DHX36: variants seen among roughly 807,000 people sequenced by gnomAD.
DHX36 encodes the protein ATP-dependent DNA/RNA helicase DHX36.
In DHX36, 50 loss-of-function variants were observed where a neutral mutation model predicts 139.0. The ratio of observed to expected loss-of-function variants is 0.36; its 90% CI spans 0.29 to 0.46. DHX36 has a LOEUF of 0.46. DHX36 is among the 20% of genes least tolerant of loss of function. The probability of loss-of-function intolerance (pLI) is 1.00; values close to 1 mark genes in which losing one functional copy is unlikely to be tolerated. For synonymous variants in DHX36, 425 were observed against 401.9 expected (o/e 1.06, Z -0.69); for missense variants, 1,024 against 1,211.3 (o/e 0.85, Z 2.29).
chr3:154,305,298 C>T (rs1288860310), intron 6 of DHX36, 130 bp from the exon 7 acceptor site: 12 of 720,996 alleles, frequency 1.7e-5, no homozygotes, highest in Non-Finnish European at 2.3e-5. Context: ...TAATTTTTTA[C>T]TTATAAGAAC....
At chr3:154,287,229 C>T (rs988617415) in intron 17 of DHX36, among the ~76,000 whole-genome samples, 2 of 152,212 alleles carry the variant, frequency 1.3e-5, no homozygotes, top group Non-Finnish European at 2.9e-5. Flanking sequence ...AACCCCAACA[C>T]ACATCAACTG....
chr3:154,276,527 C>A, intron 24 of DHX36, 171 bp from the exon 25 acceptor site: 1 of 773,570 alleles, frequency 1.3e-6, no homozygotes. Context: ...AACTAAAGTG[C>A]AGTTAAAATT....
chr3:154,282,889 T>C (rs569534000), intron 20 of DHX36, among the ~76,000 whole-genome samples: 1 of 152,266 alleles, frequency 6.6e-6, no homozygotes, highest in South Asian at 2.1e-4. Flanking sequence ...TTTCAACAGA[T>C]TTTAGTAGTG....
chr3:154,285,067 G>T lies in DHX36; in HGVS notation c.2032-80C>A. 3 of 1,424,128 alleles carry T rather than the reference G, an allele frequency of 2.1e-6. No homozygotes were observed. The Admixed American group carries it at 5.8e-5, about 27-fold the overall frequency. The allele number at this position is 1,424,128 out of a possible 1,614,324, so 88.2% of individuals were successfully genotyped here. On this transcript the variant is annotated intron_variant, in intron 17 of 24. Transcript: ENST00000496811. The stretch of plus-strand genomic sequence containing the variant: ...ACGATTTTAGCTTGCTTTAAAAAGA[G>T]TAACAAGCCACTACTCTCTCTTCTA...
Position 154,309,836 on chromosome 3 carries a change from G to A in DHX36, c.643-13C>T, listed in dbSNP as rs1400363550. 25 of 1,553,812 alleles carry A rather than the reference G, an allele frequency of 1.6e-5. No homozygotes were observed. The Admixed American group carries it at 4.0e-4, about 25-fold the overall frequency. On this transcript the variant is annotated splice_polypyrimidine_tract_variant and intron_variant, in intron 4 of 24. Coordinates refer to ENST00000496811, the MANE Select transcript of DHX36 (RefSeq NM_020865.3). ...AATTTACCAATTCCTATTTCAAAAG[G>A]GAAAATAAAGAATATCACATGTTGA... is the stretch of plus-strand genomic sequence containing the variant.
rs1045277039 is a variant in DHX36 at position 154,276,207 on chromosome 3, G to C, written c.2991C>G (p.Asn997Lys). 6.2e-7 allele frequency: 1 copy of C among 1,612,966 alleles called. No individual in the cohort carries two copies. Among genetic ancestry groups the C allele is most frequent in the African/African-American group, 1.3e-5 (1 of 74,822 alleles). ...ATCCATCCTGGAATCGTGGCGGAAA[G>C]TTCCTGGGAGTTGCCTTTTCCTGTG... ...IKTQEKATPR[N>K]FPPRFQDGYY... The change falls in exon 25 of 25, where the codon AAC becomes AAG. Residue 997 changes from asparagine to lysine, a missense_variant. Physicochemically the swap from Asn to Lys is moderately conservative, Grantham distance 94. Around this residue, in one of 4 missense-constraint regions of DHX36, gnomAD observed 470 missense variants for 616.2 expected, o/e 0.76. Transcript: ENST00000496811.
intron 19 of DHX36, 38 bp downstream of exon 19, chr3:154,284,545 A>G (rs1711502431): frequency 2.0e-6 from 3 of 1,469,618 alleles, no homozygotes; most frequent in East Asian, 4.5e-5. Context: ...TCATTTGAAT[A>G]AACTATCATA....
At chr3:154,297,742 A>C (rs903576069) in intron 12 of DHX36, among the ~76,000 whole-genome samples, 1 of 151,918 alleles carries the variant, frequency 6.6e-6, no homozygotes, top group Non-Finnish European at 1.5e-5. Context: ...GTTTTTTTGT[A>C]TATTTAAAAT....
intron 15 of DHX36, among the ~76,000 whole-genome samples, chr3:154,291,659 T>C (rs534169183): frequency 6.6e-6 from 1 of 152,350 alleles, no homozygotes; most frequent in South Asian, 2.1e-4. Context: ...TTTATGGATA[T>C]TGTACAAACT....
At position 154,303,260 on chromosome 3, in the gene DHX36, A is replaced by G. The variant is rs1383900890; in HGVS notation, c.1217+69T>C. 5.2e-6 allele frequency: 6 copies of G among 1,144,338 alleles called. No individual in the cohort carries two copies. The African/African-American group carries it at 6.4e-5, about 12-fold the overall frequency. The allele number at this position is 1,144,338 out of a possible 1,614,324, so 70.9% of individuals were successfully genotyped here. A position where few individuals can be genotyped will look rare whatever the true frequency, so the allele number is the denominator to read the frequency against. ...TAGTCAATGATGGGTTTCTGAGACTAAAGTTTGACATGAGAAAAGTGATAT... is the reference window on the plus strand; with the variant it reads ...TAGTCAATGATGGGTTTCTGAGACTGAAGTTTGACATGAGAAAAGTGATAT... On this transcript the variant is annotated intron_variant, in intron 9 of 24. Coordinates refer to ENST00000496811, the MANE Select transcript of DHX36 (RefSeq NM_020865.3).
At chr3:154,322,240 A>C (rs1576886788) in intron 1 of DHX36, among the ~76,000 whole-genome samples, 1 of 152,256 alleles carries the variant, frequency 6.6e-6, no homozygotes, top group South Asian at 2.1e-4. Flanking sequence ...CCGTATTACC[A>C]AGATTTCCAG....
intron 17 of DHX36, 53 bp from the exon 18 acceptor site, chr3:154,285,040 A>C: frequency 6.4e-7 from 1 of 1,573,984 alleles, no homozygotes; most frequent in Non-Finnish European, 8.7e-7. Flanking sequence ...ATTACATTTA[A>C]AACGATTTTA....
At chr3:154,285,287 GAAAC>G (rs1202518690) in intron 17 of DHX36, among the ~76,000 whole-genome samples, 1 of 152,040 alleles carries the variant, frequency 6.6e-6, no homozygotes, top group Non-Finnish European at 1.5e-5. Flanking sequence ...AAAAGTTGTA[GAAAC>G]AAACAACAAA....
chr3:154,316,119 T>C lies in DHX36; in HGVS notation c.288A>G (p.Val96=), dbSNP rs768730161. Residue 96 remains valine (V), a synonymous_variant, in exon 2 of 25, where the codon GTA becomes GTG. Transcript: ENST00000496811. The part of the protein sequence containing the change: ...HMDERREEQI[V]QLLNSVQAKN... ...TCGCTTGAACAGAATTCAGTAACTG[T>C]ACAATTTGTTCTTCTCGTCGTTCAT... is the stretch of plus-strand genomic sequence containing the variant. 10 of 1,613,276 alleles carry C rather than the reference T, an allele frequency of 6.2e-6. No homozygotes were observed. In the South Asian group the frequency reaches 6.6e-5, roughly 11 times the overall value.
intron 1 of DHX36, among the ~76,000 whole-genome samples, chr3:154,322,907 T>C (rs981787296): frequency 6.6e-6 from 1 of 152,192 alleles, no homozygotes; most frequent in Non-Finnish European, 1.5e-5. Context: ...AAAAGTTAAT[T>C]TGGGGCTGTA....
Position 154,288,933 on chromosome 3 carries a change from A to G in DHX36, c.1964T>C (p.Leu655Pro). Residue 655 changes from leucine to proline, a missense_variant, in exon 17 of 25, where the codon CTG becomes CCG. Coordinates refer to ENST00000496811, the MANE Select transcript of DHX36 (RefSeq NM_020865.3). ...ILRLGGIAYF[L>P]SRLMDPPSNE... ...TGATGGTGGGTCCATTAATCTACTC[A>G]GAAAATAAGCAATTCCACCTAGCCT... The G allele has an allele frequency of 6.3e-7, 1 of 1,584,126 alleles. No homozygotes were observed. Among genetic ancestry groups the G allele is most frequent in the Non-Finnish European group, 8.6e-7 (1 of 1,163,616 alleles).
At chr3:154,300,031 G>C in intron 11 of DHX36, 106 bp from the exon 12 acceptor site, 2 of 715,296 alleles carry the variant, frequency 2.8e-6, no homozygotes, top group Non-Finnish European at 4.9e-6. Flanking sequence ...ACTAGCTCAG[G>C]ATAATTTTCG....
intron 23 of DHX36, 27 bp downstream of exon 23, chr3:154,277,571 C>A: frequency 1.3e-6 from 2 of 1,576,140 alleles, no homozygotes; most frequent in Non-Finnish European, 1.7e-6. Context: ...ATAATCAGAT[C>A]CTTAATTATT....
Position 154,276,727 on chromosome 3 carries a change from A to G in DHX36, c.2841+20T>C. 1 of 1,610,502 alleles carries G rather than the reference A, an allele frequency of 6.2e-7. No individual in the cohort carries two copies. Among genetic ancestry groups the G allele is most frequent in the Non-Finnish European group, 8.5e-7 (1 of 1,177,716 alleles). Reference sequence around the variant, plus strand: ...GCTGACTTACATGTAGATTTAAGATAATCACATAAAGTCAGTCACCTTAAC... The same window carrying G: ...GCTGACTTACATGTAGATTTAAGATGATCACATAAAGTCAGTCACCTTAAC... On this transcript the variant is annotated intron_variant, in intron 24 of 24. Coordinates refer to ENST00000496811, the MANE Select transcript of DHX36 (RefSeq NM_020865.3).
Sources: allele counts gnomAD v4.1 joint callset (sites outside exome capture counted in the v4.1 genomes callset), GRCh38; gene constraint gnomAD v4.1.1; regional missense constraint gnomAD v4.1.1; transcripts MANE v1.5; gene names NCBI Gene and HGNC (gene_info 2026-07-23, HGNC 2026-07-21).